The following ZSWIM5 variants were observed in gnomAD, a reference collection of about 807,000 sequenced individuals.
The protein encoded by ZSWIM5 is zinc finger SWIM-type containing 5.
In ZSWIM5, 55 loss-of-function variants were observed where a neutral mutation model predicts 119.6. That is an observed-to-expected ratio of 0.46 (90% CI 0.37 to 0.58). The LOEUF is 0.58. ZSWIM5 is among the 20% of genes least tolerant of loss of function. ZSWIM5 has a pLI of 0.00. For missense variants in ZSWIM5, 1,193 were observed against 1,512.8 expected (o/e 0.79, Z 3.51); for synonymous variants, 537 against 606.9 (o/e 0.88, Z 1.69).
At chr1:45,202,009 G>A (rs1373274565) in intron 1 of ZSWIM5, among the ~76,000 whole-genome samples, 1 of 151,990 alleles carries the variant, frequency 6.6e-6, no homozygotes, top group Non-Finnish European at 1.5e-5. Flanking sequence ...ATGTGTTAGG[G>A]TGGAGGGAGA....
chr1:45,076,403 A>G (rs1169296113), intron 2 of ZSWIM5, among the ~76,000 whole-genome samples: 27 of 152,064 alleles, frequency 1.8e-4, no homozygotes, highest in Admixed American at 1.8e-3. Context: ...TTTAGGATCA[A>G]AGTTTTTTTC....
rs146595208 is a variant in ZSWIM5, at chr1:45,050,795, A to G, written c.1432+279T>C. Among the ~76,000 whole-genome samples the G allele has an allele frequency of 7.9e-3, 1,210 of 152,320 alleles. 29 individuals are homozygous for G. The highest frequency in any genetic ancestry group is 0.028 in the African/African-American group (1,173 of 41,552). On this transcript the variant is annotated intron_variant, in intron 5 of 13. Transcript: ENST00000359600. ...TTTAATACATTAGACATGAAGAACCAGAAGAGTAGACCAGGAGTCACGCAG... is the reference window on the plus strand; with the variant it reads ...TTTAATACATTAGACATGAAGAACCGGAAGAGTAGACCAGGAGTCACGCAG...
chr1:45,051,161 C>T lies in ZSWIM5; in HGVS notation c.1345G>A (p.Asp449Asn). 1 of 1,614,180 alleles carries T rather than the reference C, an allele frequency of 6.2e-7. No individual in the cohort carries two copies. The highest frequency in any genetic ancestry group is 8.5e-7 in the Non-Finnish European group (1 of 1,180,032). The change falls in exon 5 of 14, where the codon GAT (aspartate) becomes AAT (asparagine). Residue 449 changes from aspartate to asparagine, a missense_variant. By Grantham distance (23) the Asp-to-Asn change is conservative. Coordinates refer to ENST00000359600, the MANE Select transcript of ZSWIM5 (RefSeq NM_020883.2). ...LQQLQKWSDL[D>N]VCPLEDGNYG... ...TTTCCATCCTCCAGGGGACAGACATCCAGGTCGCTCCACTTCTGCAGCTGC... is the reference window on the plus strand; with the variant it reads ...TTTCCATCCTCCAGGGGACAGACATTCAGGTCGCTCCACTTCTGCAGCTGC...
At chr1:45,136,645 A>G (rs1340653949) in intron 1 of ZSWIM5, among the ~76,000 whole-genome samples, 1 of 152,190 alleles carries the variant, frequency 6.6e-6, no homozygotes, top group Non-Finnish European at 1.5e-5. Context: ...AACTGTAGAA[A>G]TAACCTGAGG....
At chr1:45,020,033 T>TC in intron 13 of ZSWIM5, 33 bp downstream of exon 13, 2 of 1,597,890 alleles carry the variant, frequency 1.3e-6, no homozygotes, top group Non-Finnish European at 1.7e-6. Flanking sequence ...GAAACTCCTT[T>TC]CCCCTGGGGG....
chr1:45,139,587 C>T (rs975517947), intron 1 of ZSWIM5, among the ~76,000 whole-genome samples: 1 of 150,580 alleles, frequency 6.6e-6, no homozygotes, highest in Non-Finnish European at 1.5e-5. Flanking sequence ...AGGCAATCCT[C>T]CCTCCTGTTT....
chr1:45,072,465 C>T lies in ZSWIM5; in HGVS notation c.953-12218G>A, dbSNP rs1645227367. Among the ~76,000 whole-genome samples the T allele has an allele frequency of 6.6e-6, 1 of 151,898 alleles. No individual in the cohort carries two copies. Among genetic ancestry groups the T allele is most frequent in the Non-Finnish European group, 1.5e-5 (1 of 68,024 alleles). ...TCCATTTTTGCTTTGGTTGCCTGTGCTTGTGGGTTATTACTCAAGAAATCT... is the reference window on the plus strand; with the variant it reads ...TCCATTTTTGCTTTGGTTGCCTGTGTTTGTGGGTTATTACTCAAGAAATCT... On this transcript the variant is annotated intron_variant, in intron 2 of 13. Transcript: ENST00000359600. This position sits in a 1 kb window ranked among gnomAD's most constrained non-coding sequence, Gnocchi z 4.1.
intron 11 of ZSWIM5, among the ~76,000 whole-genome samples, chr1:45,022,862 T>A (rs530943071): frequency 6.6e-6 from 1 of 152,388 alleles, no homozygotes; most frequent in African/African-American, 2.4e-5. Context: ...TCTAGATTAC[T>A]TATAATATCT....
chr1:45,171,075 C>A (rs553172517), intron 1 of ZSWIM5, among the ~76,000 whole-genome samples: 38 of 152,136 alleles, frequency 2.5e-4, no homozygotes, highest in Non-Finnish European at 5.0e-4. Context: ...TTAGAAGATG[C>A]AACTTTTGGA....
chr1:45,037,197 G>A (rs550701572), intron 8 of ZSWIM5, among the ~76,000 whole-genome samples: 1 of 139,894 alleles, frequency 7.1e-6, no homozygotes, highest in Non-Finnish European at 1.5e-5. Context: ...TGCAACCTCC[G>A]CCTCCTGGGT....
Position 45,206,318 on chromosome 1 carries a change from G to A in ZSWIM5, c.33C>T (p.Leu11=). Residue 11 remains leucine (L), a synonymous_variant, in exon 1 of 14, where the codon CTC becomes CTT. Transcript: ENST00000359600. The part of the protein sequence containing the change: MADGGEREEL[L]SPSPVSPAKR... Reference sequence around the variant, plus strand: ...TAGCCGGAGAGACCGGTGACGGCGAGAGCAGCTCCTCTCGCTCACCTCCGT... The same window carrying A: ...TAGCCGGAGAGACCGGTGACGGCGAAAGCAGCTCCTCTCGCTCACCTCCGT... The A allele has an allele frequency of 6.6e-7, 1 of 1,522,474 alleles. No homozygotes were observed. Among genetic ancestry groups the A allele is most frequent in the Non-Finnish European group, 8.8e-7 (1 of 1,134,456 alleles). The allele number at this position is 1,522,474 out of a possible 1,614,324, so 94.3% of individuals were successfully genotyped here.
chr1:45,070,718 A>G (rs1293324396), intron 2 of ZSWIM5, among the ~76,000 whole-genome samples: 1 of 152,018 alleles, frequency 6.6e-6, no homozygotes, highest in Non-Finnish European at 1.5e-5. Flanking sequence ...TTGACCATTC[A>G]CTTTTTGAAA....
chr1:45,020,857 G>A, intron 11 of ZSWIM5, 69 bp from the exon 12 acceptor site: 1 of 1,520,100 alleles, frequency 6.6e-7, no homozygotes, highest in African/African-American at 1.4e-5. Flanking sequence ...GACTGCAATA[G>A]ATACTCATTG....
chr1:45,189,807 C>T (rs1557793983), intron 1 of ZSWIM5, among the ~76,000 whole-genome samples: 1 of 152,124 alleles, frequency 6.6e-6, no homozygotes, highest in Non-Finnish European at 1.5e-5. Flanking sequence ...ATTTTAATGT[C>T]ACATTATGTG....
intron 1 of ZSWIM5, among the ~76,000 whole-genome samples, chr1:45,152,993 A>G (rs1645806224): frequency 6.6e-6 from 1 of 152,004 alleles, no homozygotes; most frequent in African/African-American, 2.4e-5. Context: ...GCCAGCAAAC[A>G]TGAAAAAATA....
chr1:45,093,878 C>T (rs1380379111), intron 1 of ZSWIM5, among the ~76,000 whole-genome samples: 1 of 145,030 alleles, frequency 6.9e-6, no homozygotes, highest in African/African-American at 2.6e-5. Context: ...GGGTCTTGCT[C>T]CGTTACCCAG....
Position 45,019,865 on chromosome 1 carries a change from T to C in ZSWIM5, c.2695+201A>G, listed in dbSNP as rs1644876236. Among the ~76,000 whole-genome samples, 1 of 152,088 alleles carries C rather than the reference T, an allele frequency of 6.6e-6. No homozygotes were observed. Among genetic ancestry groups the C allele is most frequent in the African/African-American group, 2.4e-5 (1 of 41,404 alleles). Reference sequence around the variant, plus strand: ...AAGGGCTGCTGACATCAGGATATGGTTCAAGCAGTGAAGACAGGGCTTGGG... The same window carrying C: ...AAGGGCTGCTGACATCAGGATATGGCTCAAGCAGTGAAGACAGGGCTTGGG... On this transcript the variant is annotated intron_variant, in intron 13 of 13. Transcript: ENST00000359600. The surrounding 1 kb of genome is among the most constrained non-coding windows in gnomAD (Gnocchi z 5.0).
chr1:45,079,353 C>T (rs891343252), intron 2 of ZSWIM5, among the ~76,000 whole-genome samples: 1 of 152,218 alleles, frequency 6.6e-6, no homozygotes, highest in African/African-American at 2.4e-5. Context: ...ACGCGCATGA[C>T]ACTTCCACTC....
intron 10 of ZSWIM5, among the ~76,000 whole-genome samples, 188 bp downstream of exon 10, chr1:45,035,500 A>G (rs1341210889): frequency 6.6e-6 from 1 of 152,190 alleles, no homozygotes; most frequent in African/African-American, 2.4e-5. Context: ...GAACCAAGTC[A>G]CCAACAAGGA....
Sources: allele counts gnomAD v4.1 joint callset (sites outside exome capture counted in the v4.1 genomes callset), GRCh38; gene constraint gnomAD v4.1.1; non-coding constraint Gnocchi (gnomAD v3.1); transcripts MANE v1.5; gene names NCBI Gene and HGNC (gene_info 2026-07-23, HGNC 2026-07-21).